The following GATA6 variants were observed in gnomAD, a reference collection of about 807,000 sequenced individuals.
GATA6 encodes transcription factor GATA-6.
A neutral mutation model predicts 48.1 loss-of-function variants in GATA6; 11 were observed. The ratio of observed to expected loss-of-function variants is 0.23; its 90% confidence interval spans 0.14 to 0.38. The LOEUF (loss-of-function observed/expected upper bound fraction) is 0.38. Ranked by LOEUF, GATA6 falls within the 10% of genes least tolerant of loss-of-function variation. GATA6 has a pLI of 1.00. For missense variants in GATA6, 795 were observed against 850.3 expected, an observed-to-expected ratio of 0.93 and a Z score of 0.81; for synonymous variants, 419 against 396.1, an observed-to-expected ratio of 1.06 and a Z score of -0.69.
In GATA6 at chr18:22,196,243, C is replaced by T. The variant is rs181496057; in HGVS notation, c.1621-4413C>T. 2.0e-5 allele frequency among the ~76,000 whole-genome samples: 3 copies of T among 152,194 alleles called. No homozygotes were observed. In the East Asian group the frequency reaches 5.8e-4, roughly 29 times the overall value. On this transcript the variant is annotated intron_variant, in intron 6 of 6. Transcript: ENST00000269216. ...GCTATTGCTTTTAATTGCAAATGAG[C>T]AGATTTATTTCTAGGAGTGCATCAC...
intron 6 of GATA6, among the ~76,000 whole-genome samples, chr18:22,184,443 T>C (rs191270287): frequency 1.5e-3 from 228 of 152,136 alleles, no homozygotes; most frequent in African/African-American, 5.2e-3. Flanking sequence ...TAACTGAGGA[T>C]TGAAAGTGGT....
intron 2 of GATA6, among the ~76,000 whole-genome samples, chr18:22,175,942 C>A (rs1421951547): frequency 6.6e-6 from 1 of 152,108 alleles, no homozygotes; most frequent in East Asian, 1.9e-4. Flanking sequence ...TTTTTTTGGT[C>A]TATACTTACA....
Position 22,170,344 on chromosome 18 carries a change from G to A in GATA6, c.-38+662G>A, listed in dbSNP as rs948015830. 5.9e-5 allele frequency among the ~76,000 whole-genome samples: 9 copies of A among 152,232 alleles called. No homozygotes were observed. The South Asian group carries it at 1.2e-3, about 21-fold the overall frequency. ...CGCGCACGCTGGTGGCTGCAGGCGC[G>A]GGCCGTGTCTAAGGTGTGCGGCGCC... is the stretch of plus-strand genomic sequence containing the variant. On this transcript the variant is annotated intron_variant, in intron 1 of 6. Coordinates refer to ENST00000269216, the MANE Select transcript of GATA6 (RefSeq NM_005257.6). The surrounding 1 kb of genome is among the most constrained non-coding windows in gnomAD (Gnocchi z 6.7).
At chr18:22,182,905 A>G in intron 5 of GATA6, 35 bp from the exon 6 acceptor site, 2 of 1,596,888 alleles carry the variant, frequency 1.3e-6, no homozygotes, top group Non-Finnish European at 1.7e-6. Flanking sequence ...AGTAGAGCAT[A>G]TGTATATTTA....
At chr18:22,188,898 T>C (rs138885520) in intron 6 of GATA6, among the ~76,000 whole-genome samples, 1 of 152,286 alleles carries the variant, frequency 6.6e-6, no homozygotes, top group East Asian at 1.9e-4. Context: ...CCTCTTCTAA[T>C]GGAAACATAT....
Position 22,190,171 on chromosome 18 carries a change from C to T in GATA6, c.1620+7128C>T, listed in dbSNP as rs555554626. ...ACTGTGAGAAGTTATTTGCTCTTGA[C>T]CAAGAATGTATTTAAGACAGTTAAT... On this transcript the variant is annotated intron_variant, in intron 6 of 6. Transcript: ENST00000269216. Among the ~76,000 whole-genome samples, 5 of 152,184 alleles carry T rather than the reference C, an allele frequency of 3.3e-5. No individual in the cohort carries two copies. The East Asian group carries it at 9.6e-4, about 29-fold the overall frequency.
At chr18:22,184,878 G>T (rs2033245293) in intron 6 of GATA6, among the ~76,000 whole-genome samples, 1 of 152,196 alleles carries the variant, frequency 6.6e-6, no homozygotes, top group Non-Finnish European at 1.5e-5. Flanking sequence ...TTCTAAAGCA[G>T]GGAGGGAGCC....
At chr18:22,177,197 C>T (rs1567995876) in intron 3 of GATA6, 76 bp downstream of exon 3, 10 of 1,399,638 alleles carry the variant, frequency 7.1e-6, no homozygotes, top group African/African-American at 1.5e-5. Context: ...CGCCCTGGCT[C>T]GGCCTGCCTT....
rs1283915131 is a variant in GATA6, at chr18:22,201,932, C to T, written c.*1109C>T. The stretch of plus-strand genomic sequence containing the variant: ...TTTGAATGGGATGTCCTATGGAAAC[C>T]TATTTCACCAGAGTTTTAAAAATAA... On this transcript the variant is annotated 3_prime_UTR_variant, in exon 7 of 7. Transcript: ENST00000269216. The T allele has an allele frequency of 6.6e-6, 1 of 152,154 alleles. No homozygotes were observed. The highest frequency in any genetic ancestry group is 1.9e-4 in the East Asian group (1 of 5,190). 9.4% of individuals were successfully genotyped at this position (152,154 alleles called of 1,614,324 possible).
intron 6 of GATA6, among the ~76,000 whole-genome samples, chr18:22,187,675 T>C (rs997565852): frequency 2.6e-5 from 4 of 152,122 alleles, no homozygotes; most frequent in Non-Finnish European, 5.9e-5. Context: ...CAAATGGTCC[T>C]ACTCCTCCTA....
In GATA6 at chr18:22,189,569, T is replaced by TA. The variant is rs371946647; in HGVS notation, c.1620+6527dup. ...CTGAAAGGAACATTTGTGAAGGACT[T>TA]ATGCTGTGCTTATACTGTTAAGTTG... On this transcript the variant is annotated intron_variant, in intron 6 of 6. Transcript: ENST00000269216. Among the ~76,000 whole-genome samples, 590 of 152,304 alleles carry TA rather than the reference T, an allele frequency of 3.9e-3. 4 individuals carry two copies. The highest frequency in any genetic ancestry group is 0.013 in the African/African-American group (548 of 41,574).
chr18:22,178,656 T>C (rs2033156716), intron 3 of GATA6, among the ~76,000 whole-genome samples: 1 of 152,232 alleles, frequency 6.6e-6, no homozygotes, highest in Non-Finnish European at 1.5e-5. Context: ...TAAAATAAAG[T>C]GGCCGAGGTT....
chr18:22,182,955 C>G lies in GATA6; in HGVS notation c.1532C>G (p.Ser511Cys), dbSNP rs1598738032. The G allele has an allele frequency of 6.2e-7, 1 of 1,613,746 alleles. No homozygotes were observed. The highest frequency in any genetic ancestry group is 8.5e-7 in the Non-Finnish European group (1 of 1,179,722). The change falls in exon 6 of 7, where the codon TCC (serine) becomes TGC (cysteine). Residue 511 changes from serine to cysteine, a missense_variant. Coordinates refer to ENST00000269216, the MANE Select transcript of GATA6 (RefSeq NM_005257.6). ...ACTGTTGCAGGTAATAGCAATAATT[C>G]CATTCCCATGACTCCAACTTCCACC... ...SKTCSGNSNN[S>C]IPMTPTSTSS...
chr18:22,186,175 C>T (rs2033260019), intron 6 of GATA6, among the ~76,000 whole-genome samples: 1 of 152,120 alleles, frequency 6.6e-6, no homozygotes, highest in East Asian at 1.9e-4. Flanking sequence ...CCACGGATCT[C>T]CAGTGCTCCC....
chr18:22,192,284 G>T (rs1173793509), intron 6 of GATA6, among the ~76,000 whole-genome samples: 1 of 152,168 alleles, frequency 6.6e-6, no homozygotes, highest in East Asian at 1.9e-4. Context: ...GAGTGAGTGG[G>T]AGATGCCTGG....
At position 22,185,386 on chromosome 18, in the gene GATA6, C is replaced by T. The variant is rs188010642; in HGVS notation, c.1620+2343C>T. Among the ~76,000 whole-genome samples the T allele has an allele frequency of 9.2e-4, 140 of 152,362 alleles. 1 individual carries two copies. The highest frequency in any genetic ancestry group is 3.1e-3 in the African/African-American group (129 of 41,588). ...CTTCAGCTGCAAGCTTCCATCCCTG[C>T]GGTAGTCTAGGCAGCCTCCACGGGG... On this transcript the variant is annotated intron_variant, in intron 6 of 6. Transcript: ENST00000269216. The surrounding 1 kb of genome is among the most constrained non-coding windows in gnomAD (Gnocchi z 4.3).
At chr18:22,192,547 G>C (rs1186017736) in intron 6 of GATA6, among the ~76,000 whole-genome samples, 1 of 152,118 alleles carries the variant, frequency 6.6e-6, no homozygotes, top group African/African-American at 2.4e-5. Flanking sequence ...AATGCTTTTT[G>C]TGGTTTAAGT....
rs925878086 is a variant in GATA6 at position 22,172,308 on chromosome 18, C to A, written c.1135+29C>A. ...AGGGTCGCGCCTCAGGTTCGGGGTG[C>A]GGGTCCAAAGCGCTGGGGCGCACGG... On this transcript the variant is annotated intron_variant, in intron 2 of 6. Transcript: ENST00000269216. The surrounding 1 kb of genome is among the most constrained non-coding windows in gnomAD (Gnocchi z 5.2). 6 of 1,527,982 alleles carry A rather than the reference C, an allele frequency of 3.9e-6. No homozygotes were observed. The African/African-American group carries it at 6.9e-5, about 18-fold the overall frequency. 94.7% of individuals were successfully genotyped at this position (1,527,982 alleles called of 1,614,324 possible). A position where few individuals can be genotyped will look rare whatever the true frequency, so the allele number is the denominator to read the frequency against.
intron 6 of GATA6, among the ~76,000 whole-genome samples, chr18:22,193,546 C>A (rs1189681222): frequency 1.3e-5 from 2 of 152,100 alleles, no homozygotes; most frequent in Non-Finnish European, 2.9e-5. Context: ...GCTGGCTTCC[C>A]CTCACACAAG....
Sources: allele counts gnomAD v4.1 joint callset (sites outside exome capture counted in the v4.1 genomes callset), GRCh38; gene constraint gnomAD v4.1.1; non-coding constraint Gnocchi (gnomAD v3.1); transcripts MANE v1.5; gene names NCBI Gene and HGNC (gene_info 2026-07-23, HGNC 2026-07-21).